The following CSMD1 variants were observed in gnomAD, a reference collection of about 807,000 sequenced individuals.
CSMD1 encodes CUB and sushi domain-containing protein 1.
CSMD1 carries 213 observed loss-of-function variants against 417.5 expected under a neutral mutation model. That is an observed-to-expected ratio of 0.51 (90% CI 0.46 to 0.57). The LOEUF (loss-of-function observed/expected upper bound fraction) is 0.57. Among genes scored for constraint, CSMD1 ranks in the 20% least tolerant of loss-of-function variants. The pLI is 0.00. For missense variants in CSMD1, 6,923 were observed against 4,529.7 expected (o/e 1.53, Z -15.17); for synonymous variants, 2,862 against 1,736.8 (o/e 1.65, Z -16.11).
chr8:4,069,804 C>T (rs1164403111), intron 3 of CSMD1, among the ~76,000 whole-genome samples: 9 of 152,152 alleles, frequency 5.9e-5, no homozygotes, highest in African/African-American at 1.2e-4. Context: ...CGTAATTACT[C>T]GACAACTCAC....
At chr8:3,416,777 C>CTG (rs772374280) in intron 12 of CSMD1, among the ~76,000 whole-genome samples, 6 of 152,196 alleles carry the variant, frequency 3.9e-5, no homozygotes, top group Admixed American at 6.5e-5. Context: ...GCCTACACTG[C>CTG]TGTGTGTTCT....
intron 7 of CSMD1, among the ~76,000 whole-genome samples, chr8:3,677,700 C>A (rs1799448208): frequency 6.6e-6 from 1 of 152,080 alleles, no homozygotes; most frequent in Non-Finnish European, 1.5e-5. Flanking sequence ...GGGTAAATTC[C>A]CCTGTTTTGT....
Position 3,210,597 on chromosome 8 carries a change from G to GGT in CSMD1, c.4867+3898_4867+3899dup, listed in dbSNP as rs545616282. On this transcript the variant is annotated intron_variant, in intron 30 of 69. Transcript: ENST00000635120. The stretch of plus-strand genomic sequence containing the variant: ...ACATATGTGTATAAATTAATATATA[G>GGT]GTGTGTGTATAAATATATAGACAGG... 4.1e-3 allele frequency among the ~76,000 whole-genome samples: 605 copies of GGT among 146,274 alleles called. 3 individuals are homozygous for GGT. Among genetic ancestry groups the GGT allele is most frequent in the Non-Finnish European group, 6.6e-3 (442 of 66,862 alleles).
At chr8:4,475,044 G>T (rs927432324) in intron 2 of CSMD1, among the ~76,000 whole-genome samples, 1 of 152,124 alleles carries the variant, frequency 6.6e-6, no homozygotes, top group Non-Finnish European at 1.5e-5. Flanking sequence ...AGGGGTCAGT[G>T]TCCTAACCTC....
intron 1 of CSMD1, among the ~76,000 whole-genome samples, chr8:4,767,250 A>G (rs1023772550): frequency 4.6e-5 from 7 of 152,228 alleles, no homozygotes; most frequent in African/African-American, 1.7e-4. Flanking sequence ...ATGCAAGGTG[A>G]AAAGAAACAA....
intron 9 of CSMD1, among the ~76,000 whole-genome samples, chr8:3,577,055 G>A (rs528173897): frequency 6.6e-6 from 1 of 152,190 alleles, no homozygotes; most frequent in Non-Finnish European, 1.5e-5. Flanking sequence ...GCAGGGGAAA[G>A]TCATTTGTTA....
chr8:3,284,449 C>A, intron 25 of CSMD1, 103 bp from the exon 26 acceptor site: 1 of 774,624 alleles, frequency 1.3e-6, no homozygotes, highest in Non-Finnish European at 2.2e-6. Flanking sequence ...ACAACCCCCA[C>A]CAACATGTGC....
At chr8:4,706,550 C>G (rs985864076) in intron 1 of CSMD1, among the ~76,000 whole-genome samples, 1 of 152,124 alleles carries the variant, frequency 6.6e-6, no homozygotes, top group Non-Finnish European at 1.5e-5. Flanking sequence ...ATATTTAACT[C>G]GGCATCATTT....
At chr8:3,913,324 T>C (rs1297760279) in intron 5 of CSMD1, among the ~76,000 whole-genome samples, 1 of 151,412 alleles carries the variant, frequency 6.6e-6, no homozygotes, top group East Asian at 1.9e-4. Context: ...TGCTCAGGAG[T>C]GAGAATCCAA....
At chr8:4,001,253 A>C (rs1815649156) in intron 4 of CSMD1, among the ~76,000 whole-genome samples, 1 of 152,190 alleles carries the variant, frequency 6.6e-6, no homozygotes, top group Non-Finnish European at 1.5e-5. Context: ...CTTGACCAGA[A>C]GTGAATTTAA....
At chr8:3,594,221 G>A (rs370879642) in intron 8 of CSMD1, among the ~76,000 whole-genome samples, 1 of 152,178 alleles carries the variant, frequency 6.6e-6, no homozygotes, top group East Asian at 1.9e-4. Context: ...CATGAGGCGA[G>A]CCCTGGACCG....
chr8:3,793,503 C>A (rs1284069243), intron 5 of CSMD1, among the ~76,000 whole-genome samples: 2 of 150,696 alleles, frequency 1.3e-5, no homozygotes, highest in Non-Finnish European at 3.0e-5. Context: ...TTGTGCCCCC[C>A]TCTCTAGGTG....
Position 2,950,397 on chromosome 8 carries a change from C to T in CSMD1, c.10202-54G>A, listed in dbSNP as rs910211884. On this transcript the variant is annotated intron_variant, in intron 66 of 69. Coordinates refer to ENST00000635120, the MANE Select transcript of CSMD1 (RefSeq NM_033225.6). ...CCTTGGAGAAAGTTAGTAATTCAGC[C>T]CTTTAATCCATTTGATGTGGAATGT... 2.5e-5 allele frequency: 26 copies of T among 1,051,820 alleles called. No homozygotes were observed. The South Asian group carries it at 3.3e-4, about 13-fold the overall frequency. The allele number at this position is 1,051,820 out of a possible 1,614,324, so 65.2% of individuals were successfully genotyped here.
Position 4,242,582 on chromosome 8 carries a change from A to G in CSMD1, c.415+177371T>C, listed in dbSNP as rs145909340. Among the ~76,000 whole-genome samples, 295 of 152,272 alleles carry G rather than the reference A, an allele frequency of 1.9e-3. 1 individual carries two copies. Among genetic ancestry groups the G allele is most frequent in the Non-Finnish European group, 2.4e-3 (165 of 68,020 alleles). The stretch of plus-strand genomic sequence containing the variant: ...TGTCTTGAAAAAACTCAGAAATGTT[A>G]ATGAATGTATCTACAAATAAACCAG... On this transcript the variant is annotated intron_variant, in intron 3 of 69. Transcript: ENST00000635120.
chr8:3,999,770 C>G (rs997212279), intron 4 of CSMD1, among the ~76,000 whole-genome samples: 7 of 152,124 alleles, frequency 4.6e-5, no homozygotes, highest in African/African-American at 1.2e-4. Context: ...AAATTACTAC[C>G]TTCAAGTATG....
At chr8:3,689,140 G>T (rs1002730495) in intron 7 of CSMD1, among the ~76,000 whole-genome samples, 2 of 152,154 alleles carry the variant, frequency 1.3e-5, no homozygotes, top group African/African-American at 4.8e-5. Context: ...TTTGGTTTAA[G>T]TTGTGAGACA....
chr8:3,583,050 C>A (rs1202826058), intron 9 of CSMD1, among the ~76,000 whole-genome samples: 3 of 152,132 alleles, frequency 2.0e-5, no homozygotes, highest in Non-Finnish European at 4.4e-5. Flanking sequence ...ATTTCCCTTA[C>A]AGAGCAACTC....
At chr8:2,951,621 T>A (rs1486963557) in intron 65 of CSMD1, among the ~76,000 whole-genome samples, 1 of 152,156 alleles carries the variant, frequency 6.6e-6, no homozygotes, top group African/African-American at 2.4e-5. Flanking sequence ...TAGCAAGAAA[T>A]ATGTTTACCT....
chr8:4,393,623 A>C (rs55924710), intron 3 of CSMD1, among the ~76,000 whole-genome samples: 30,096 of 152,062 alleles, frequency 0.2, 3,725 homozygotes, highest in East Asian at 0.37. Context: ...TCATTGATTA[A>C]ATTATCAATG....
Sources: gnomAD v4.1 joint callset for allele counts (sites outside exome capture counted in the v4.1 genomes callset) on GRCh38, gnomAD v4.1.1 for gene constraint, MANE v1.5 for transcripts, NCBI Gene and HGNC (gene_info 2026-07-23, HGNC 2026-07-21) for gene names.